The following PTPRR variants were observed in gnomAD, a reference collection of about 807,000 sequenced individuals.
PTPRR encodes protein tyrosine phosphatase receptor type R.
Under a neutral mutation model 77.2 loss-of-function variants are expected in PTPRR, and 38 were observed. The ratio of observed to expected loss-of-function variants is 0.49; its 90% CI spans 0.38 to 0.65. The LOEUF is 0.65. PTPRR is among the 30% of genes least tolerant of loss of function. PTPRR has a pLI of 0.00. For synonymous variants in PTPRR, 299 were observed against 283.1 expected, an observed-to-expected ratio of 1.06 and a Z score of -0.57; for missense variants, 744 against 799.2, an observed-to-expected ratio of 0.93 and a Z score of 0.83.
intron 2 of PTPRR, among the ~76,000 whole-genome samples, chr12:70,825,036 G>C (rs1220290125): frequency 6.6e-6 from 1 of 152,154 alleles, no homozygotes; most frequent in African/African-American, 2.4e-5. Flanking sequence ...TGTAATCCCA[G>C]CACTTTGGGA....
chr12:70,815,674 T>C (rs541179780), intron 2 of PTPRR, among the ~76,000 whole-genome samples: 3 of 152,298 alleles, frequency 2.0e-5, no homozygotes, highest in South Asian at 4.1e-4. Context: ...GTAGCTTCTA[T>C]GTGTTAAGCA....
intron 6 of PTPRR, among the ~76,000 whole-genome samples, chr12:70,720,044 T>G (rs1014303384): frequency 2.0e-5 from 3 of 152,180 alleles, no homozygotes; most frequent in Non-Finnish European, 2.9e-5. Flanking sequence ...CTTCTCAAAG[T>G]GGAATTGGTC....
At chr12:70,778,408 A>G (rs959869210) in intron 2 of PTPRR, among the ~76,000 whole-genome samples, 6 of 152,096 alleles carry the variant, frequency 3.9e-5, no homozygotes, top group African/African-American at 1.2e-4. Flanking sequence ...GTATGCCGTT[A>G]TAGTCTACAG....
intron 2 of PTPRR, among the ~76,000 whole-genome samples, chr12:70,814,652 T>C (rs1300636126): frequency 6.6e-6 from 1 of 152,122 alleles, no homozygotes; most frequent in African/African-American, 2.4e-5. Context: ...TGGCTTTGTC[T>C]CTGTGTTTCA....
chr12:70,829,879 G>T (rs1009564560), intron 2 of PTPRR, among the ~76,000 whole-genome samples: 8 of 152,130 alleles, frequency 5.3e-5, no homozygotes, highest in Non-Finnish European at 1.5e-5. Context: ...GCTTTATAAG[G>T]TGCTTCCTAA....
intron 6 of PTPRR, among the ~76,000 whole-genome samples, chr12:70,732,009 C>T (rs907545877): frequency 6.6e-6 from 1 of 152,142 alleles, no homozygotes; most frequent in Non-Finnish European, 1.5e-5. Flanking sequence ...TTTTAAAAAG[C>T]TGCCTTGGGC....
At chr12:70,902,696 A>C (rs1206801047) in intron 1 of PTPRR, among the ~76,000 whole-genome samples, 1 of 151,698 alleles carries the variant, frequency 6.6e-6, no homozygotes, top group African/African-American at 2.4e-5. Flanking sequence ...GAGGATGCAA[A>C]GCCATAAGAA....
Position 70,754,201 on chromosome 12 carries a change from G to C in PTPRR, c.728C>G (p.Thr243Arg). ...AAGAAGCAAACTTACCATCAAACAC[G>C]TTACTATAATAACAAAGATGCTGAG... is the stretch of plus-strand genomic sequence containing the variant. ...IFLSIFVIIVTCLMILYRLKE... is the reference protein window; with the variant it reads ...IFLSIFVIIVRCLMILYRLKE... Residue 243 changes from threonine (T) to arginine (R), a missense_variant, in exon 5 of 14, where the codon ACG (threonine) becomes AGG (arginine). Coordinates refer to ENST00000283228, the MANE Select transcript of PTPRR (RefSeq NM_002849.4). The C allele has an allele frequency of 1.2e-6, 2 of 1,612,868 alleles. No individual in the cohort carries two copies. Among genetic ancestry groups the C allele is most frequent in the Non-Finnish European group, 1.7e-6 (2 of 1,179,564 alleles).
chr12:70,773,761 A>G (rs923798311), intron 2 of PTPRR, among the ~76,000 whole-genome samples: 1 of 152,344 alleles, frequency 6.6e-6, no homozygotes, highest in African/African-American at 2.4e-5. Context: ...CTAGAGAGTA[A>G]TATGTTTTTA....
intron 2 of PTPRR, among the ~76,000 whole-genome samples, chr12:70,836,657 T>G (rs933970922): frequency 1.3e-5 from 2 of 151,958 alleles, no homozygotes; most frequent in African/African-American, 4.8e-5. Context: ...CCTTGGTACA[T>G]GCTATTTCTT....
At chr12:70,649,407 T>G (rs1176610921) in intron 13 of PTPRR, among the ~76,000 whole-genome samples, 3 of 152,162 alleles carry the variant, frequency 2.0e-5, no homozygotes, top group Non-Finnish European at 4.4e-5. Flanking sequence ...GTATGCAGCC[T>G]TCATTGCTAG....
intron 6 of PTPRR, among the ~76,000 whole-genome samples, chr12:70,704,956 G>A (rs1240416419): frequency 6.6e-6 from 1 of 152,016 alleles, no homozygotes; most frequent in African/African-American, 2.4e-5. Context: ...ATAATAAAAA[G>A]CTTTATCAAG....
chr12:70,872,150 A>T (rs1892968291), intron 2 of PTPRR, among the ~76,000 whole-genome samples: 1 of 152,134 alleles, frequency 6.6e-6, no homozygotes, highest in East Asian at 1.9e-4. Context: ...TTCATTCTGT[A>T]AAAGGCCATC....
chr12:70,719,583 C>T (rs1889166825), intron 6 of PTPRR, among the ~76,000 whole-genome samples: 1 of 151,944 alleles, frequency 6.6e-6, no homozygotes, highest in African/African-American at 2.4e-5. Context: ...ATTGCAAAGG[C>T]TTAAATACTG....
intron 2 of PTPRR, among the ~76,000 whole-genome samples, chr12:70,832,004 AG>A (rs1337349797): frequency 3.3e-5 from 5 of 152,306 alleles, no homozygotes; most frequent in Non-Finnish European, 7.3e-5. Flanking sequence ...GTTCTCTTTC[AG>A]GGTCTAAATA....
At chr12:70,707,887 T>C (rs527755813) in intron 6 of PTPRR, among the ~76,000 whole-genome samples, 1 of 152,222 alleles carries the variant, frequency 6.6e-6, no homozygotes, top group East Asian at 1.9e-4. Context: ...GAAAATATGA[T>C]AAAACCTGCA....
chr12:70,856,996 A>T (rs1470137384), intron 2 of PTPRR, among the ~76,000 whole-genome samples: 1 of 152,152 alleles, frequency 6.6e-6, no homozygotes, highest in Non-Finnish European at 1.5e-5. Flanking sequence ...AAATGACTAA[A>T]TTTGAGTTAC....
At chr12:70,684,009 C>T (rs1335776676) in intron 10 of PTPRR, 118 bp downstream of exon 10, 2 of 1,116,940 alleles carry the variant, frequency 1.8e-6, no homozygotes, top group Non-Finnish European at 2.5e-6. Context: ...GTGACTTAGC[C>T]TTTAAATGTC....
rs1893836687 is a variant in PTPRR, at chr12:70,920,303, G to T, written c.58+30C>A. ...TGTGCAGTTTCCCATCTCATGCACA[G>T]CTCCGGCTCTAAGCCTGGCAACCCC... On this transcript the variant is annotated intron_variant, in intron 1 of 13. Coordinates refer to ENST00000283228, the MANE Select transcript of PTPRR (RefSeq NM_002849.4). 2.5e-6 allele frequency: 4 copies of T among 1,605,302 alleles called. No individual in the cohort carries two copies. The African/African-American group carries it at 5.4e-5, about 21-fold the overall frequency.
Sources: gnomAD v4.1 joint callset for allele counts (sites outside exome capture counted in the v4.1 genomes callset) on GRCh38, gnomAD v4.1.1 for gene constraint, MANE v1.5 for transcripts, NCBI Gene and HGNC (gene_info 2026-07-23, HGNC 2026-07-21) for gene names.